The following EPHA6 variants were observed in gnomAD, a reference collection of about 807,000 sequenced individuals.
EPHA6 encodes the protein ephrin type-A receptor 6.
Under a neutral mutation model 112.0 loss-of-function variants are expected in EPHA6, and 50 were observed. The observed-to-expected ratio is 0.45, with a 90% CI of 0.36 to 0.56. EPHA6 has a LOEUF of 0.56. Ranked by LOEUF, EPHA6 falls within the 20% of genes least tolerant of loss-of-function variation. The pLI is 0.00. For synonymous variants in EPHA6, 529 were observed against 490.7 expected, an observed-to-expected ratio of 1.08 and a Z score of -1.03; for missense variants, 1,280 against 1,417.4, an observed-to-expected ratio of 0.90 and a Z score of 1.56.
At chr3:97,174,685 G>C (rs1466526566) in intron 3 of EPHA6, among the ~76,000 whole-genome samples, 1 of 151,758 alleles carries the variant, frequency 6.6e-6, no homozygotes, top group Non-Finnish European at 1.5e-5. Flanking sequence ...TGTTTGCCAT[G>C]TGTATGTCCT....
chr3:97,235,078 G>A (rs149325036), intron 4 of EPHA6, among the ~76,000 whole-genome samples: 1,711 of 152,144 alleles, frequency 0.011, 16 homozygotes, highest in Non-Finnish European at 0.018. Flanking sequence ...TCAGCTTTTA[G>A]GGCAGGCATT....
intron 10 of EPHA6, among the ~76,000 whole-genome samples, chr3:97,520,880 C>A (rs745884119): frequency 1.3e-5 from 2 of 152,024 alleles, no homozygotes; most frequent in Non-Finnish European, 2.9e-5. Flanking sequence ...TGTCACATAG[C>A]CTTTATTATT....
intron 7 of EPHA6, among the ~76,000 whole-genome samples, chr3:97,450,630 A>G (rs1466863136): frequency 7.9e-5 from 12 of 152,072 alleles, no homozygotes; most frequent in Non-Finnish European, 1.3e-4. Flanking sequence ...TGTACTTTCA[A>G]GACAATTTCT....
rs981348597 is a variant in EPHA6 at position 97,750,099 on chromosome 3, C to G, written c.*1398C>G. On this transcript the variant is annotated 3_prime_UTR_variant, in exon 18 of 18. Coordinates refer to ENST00000389672, the MANE Select transcript of EPHA6 (RefSeq NM_001080448.3). ...TGAACAAATTAAATTATAAAATCAG[C>G]TGCTCCCTGTAAAACTAAAAAAATG... Among the ~76,000 whole-genome samples, 18 of 152,034 alleles carry G rather than the reference C, an allele frequency of 1.2e-4. No individual in the cohort carries two copies. Among genetic ancestry groups the G allele is most frequent in the African/African-American group, 4.3e-4 (18 of 41,392 alleles).
At position 96,980,670 on chromosome 3, in the gene EPHA6, C is replaced by G. The variant is rs533084150; in HGVS notation, c.451-6660C>G. Among the ~76,000 whole-genome samples the G allele has an allele frequency of 4.6e-3, 697 of 152,206 alleles. 6 individuals carry two copies. The highest frequency in any genetic ancestry group is 0.016 in the African/African-American group (670 of 41,512). ...TATGGCCATTTTCATGATATTGATT[C>G]TTCCTACCCATGAGCATGGAATGTT... On this transcript the variant is annotated intron_variant, in intron 2 of 17. Transcript: ENST00000389672.
chr3:97,292,121 G>A (rs1179458624), intron 5 of EPHA6, among the ~76,000 whole-genome samples: 1 of 152,228 alleles, frequency 6.6e-6, no homozygotes. Context: ...AGCTGAAGCA[G>A]ACATACCACA....
At chr3:97,109,732 G>C (rs1461958512) in intron 3 of EPHA6, among the ~76,000 whole-genome samples, 1 of 152,098 alleles carries the variant, frequency 6.6e-6, no homozygotes, top group Non-Finnish European at 1.5e-5. Flanking sequence ...ACTGACCAAC[G>C]ACAATGTACT....
At position 97,226,288 on chromosome 3, in the gene EPHA6, C is replaced by T. The variant is rs766838680; in HGVS notation, c.1139C>T (p.Ala380Val). The T allele has an allele frequency of 1.2e-6, 2 of 1,610,838 alleles. No homozygotes were observed. The highest frequency in any genetic ancestry group is 8.5e-7 in the Non-Finnish European group (1 of 1,178,970). ...GCTTGCAGACCAGGATTCTATAAAG[C>T]TTTTGCTGGGAACACAAAATGTTCT... The part of the protein sequence containing the change: ...CHACRPGFYK[A>V]FAGNTKCSKC... Residue 380 changes from alanine to valine, a missense_variant, in exon 4 of 18, where the codon GCT (alanine) becomes GTT (valine). Ala to Val is a moderately conservative substitution (Grantham distance 64, BLOSUM62 0). Around this residue, in one of 4 missense-constraint regions of EPHA6, gnomAD observed 878 missense variants for 999.7 expected, o/e 0.88. Transcript: ENST00000389672.
intron 2 of EPHA6, among the ~76,000 whole-genome samples, chr3:96,904,949 C>T (rs1396698508): frequency 6.6e-6 from 1 of 152,078 alleles, no homozygotes; most frequent in Non-Finnish European, 1.5e-5. Context: ...CTTGTTTATG[C>T]TGATACCCAT....
chr3:97,411,233 G>T (rs558026799), intron 6 of EPHA6, among the ~76,000 whole-genome samples: 1 of 152,088 alleles, frequency 6.6e-6, no homozygotes, highest in East Asian at 1.9e-4. Context: ...CACATTCTCT[G>T]TGGAAGCTTG....
At chr3:97,389,144 T>G (rs2109053375) in intron 5 of EPHA6, among the ~76,000 whole-genome samples, 1 of 152,236 alleles carries the variant, frequency 6.6e-6, no homozygotes, top group African/African-American at 2.4e-5. Context: ...AAACTGACCA[T>G]TGATTAAAAT....
chr3:97,547,591 CT>C (rs1400599024), intron 11 of EPHA6, among the ~76,000 whole-genome samples: 2 of 152,220 alleles, frequency 1.3e-5, no homozygotes, highest in Admixed American at 1.3e-4. Flanking sequence ...CTCTTCAAAG[CT>C]GTCAGAGAGG....
At chr3:97,547,243 G>C (rs1050914051) in intron 11 of EPHA6, among the ~76,000 whole-genome samples, 3 of 152,140 alleles carry the variant, frequency 2.0e-5, no homozygotes, top group African/African-American at 7.2e-5. Flanking sequence ...ATGGGTTTTT[G>C]GTGTGGATGT....
intron 11 of EPHA6, among the ~76,000 whole-genome samples, chr3:97,553,818 A>C (rs2093064259): frequency 6.6e-6 from 1 of 152,112 alleles, no homozygotes. Flanking sequence ...ACTAGCTTGG[A>C]ATCATCATGT....
chr3:97,617,725 G>A (rs2093778246), intron 13 of EPHA6, among the ~76,000 whole-genome samples: 1 of 152,150 alleles, frequency 6.6e-6, no homozygotes, highest in South Asian at 2.1e-4. Flanking sequence ...TCAACAAGAT[G>A]AGCTGGCTAT....
chr3:97,373,267 G>C (rs2085164498), intron 5 of EPHA6, among the ~76,000 whole-genome samples: 1 of 152,100 alleles, frequency 6.6e-6, no homozygotes, highest in Non-Finnish European at 1.5e-5. Flanking sequence ...ATGAGATACA[G>C]TTTTCCATTT....
intron 5 of EPHA6, among the ~76,000 whole-genome samples, chr3:97,383,662 A>G (rs2109028785): frequency 6.6e-6 from 1 of 152,254 alleles, no homozygotes; most frequent in Non-Finnish European, 1.5e-5. Context: ...ATAGAGGATT[A>G]GTCCTGTAAA....
At position 97,535,680 on chromosome 3, in the gene EPHA6, A is replaced by G. The variant is rs1473013390; in HGVS notation, c.2386+3137A>G. On this transcript the variant is annotated intron_variant, in intron 11 of 17. Coordinates refer to ENST00000389672, the MANE Select transcript of EPHA6 (RefSeq NM_001080448.3). Reference sequence around the variant, plus strand: ...GCTCCCAAAGGACTACCCATTGCATAAAAGATAATACTGATCAAGATAAAG... The same window carrying G: ...GCTCCCAAAGGACTACCCATTGCATGAAAGATAATACTGATCAAGATAAAG... Among the ~76,000 whole-genome samples the G allele has an allele frequency of 2.0e-5, 3 of 152,126 alleles. No individual in the cohort carries two copies. The East Asian group carries it at 5.8e-4, about 29-fold the overall frequency.
intron 1 of EPHA6, among the ~76,000 whole-genome samples, chr3:96,852,433 AAAT>A (rs1408257287): frequency 6.6e-6 from 1 of 152,030 alleles, no homozygotes; most frequent in Non-Finnish European, 1.5e-5. Context: ...CTGTCCCAGA[AAAT>A]AATAATAAAA....
Sources: allele counts gnomAD v4.1 joint callset (sites outside exome capture counted in the v4.1 genomes callset), GRCh38; gene constraint gnomAD v4.1.1; regional missense constraint gnomAD v4.1.1; transcripts MANE v1.5; gene names NCBI Gene and HGNC (gene_info 2026-07-23, HGNC 2026-07-21).